Variants in KHDRBS2 observed in about 807,000 individuals in gnomAD.
The protein encoded by KHDRBS2 is KH RNA binding domain containing, signal transduction associated 2.
A neutral mutation model predicts 44.3 loss-of-function variants in KHDRBS2; 26 were observed. That is an observed-to-expected ratio of 0.59 (90% confidence interval 0.43 to 0.81). The LOEUF is 0.81. Ranked by LOEUF, KHDRBS2 falls within the 40% of genes least tolerant of loss-of-function variation. The pLI, the probability that KHDRBS2 is intolerant of heterozygous loss-of-function variation, is 0.00. For synonymous variants in KHDRBS2, 194 were observed against 151.1 expected (o/e 1.28, Z -2.08); for missense variants, 476 against 433.1 (o/e 1.10, Z -0.88).
At chr6:61,819,997 GGTAAGGCACAGGAAGGTTCATT>G (rs1789627269) in intron 6 of KHDRBS2, among the ~76,000 whole-genome samples, 1 of 151,976 alleles carries the variant, frequency 6.6e-6, no homozygotes, top group South Asian at 2.1e-4. Flanking sequence ...TTTATTTTCA[GGTAAGGCACAGGAAGGTTCATT>G]AACTCGTGCA....
intron 3 of KHDRBS2, among the ~76,000 whole-genome samples, chr6:62,001,112 G>C (rs540712908): frequency 2.6e-4 from 39 of 152,210 alleles, no homozygotes; most frequent in African/African-American, 8.9e-4. Flanking sequence ...TTACGTTCTG[G>C]TCACCTTACT....
At chr6:62,127,219 T>A (rs930326176) in intron 2 of KHDRBS2, among the ~76,000 whole-genome samples, 2 of 152,156 alleles carry the variant, frequency 1.3e-5, no homozygotes, top group African/African-American at 4.8e-5. Flanking sequence ...TTGTCATGTA[T>A]ATATTGAAAG....
At chr6:61,682,869 C>T (rs1291943767) in intron 8 of KHDRBS2, among the ~76,000 whole-genome samples, 2 of 151,818 alleles carry the variant, frequency 1.3e-5, no homozygotes, top group Non-Finnish European at 2.9e-5. Context: ...AAAGGGAAAA[C>T]ACATTCAGTG....
intron 7 of KHDRBS2, among the ~76,000 whole-genome samples, chr6:61,713,833 A>T (rs182712448): frequency 7.3e-4 from 111 of 151,844 alleles, no homozygotes; most frequent in Non-Finnish European, 1.0e-3. Flanking sequence ...GAAAAAATGG[A>T]TGGCCATACA....
chr6:61,559,844 T>C, the KHDRBS2 span, among the ~76,000 whole-genome samples: 1 of 152,234 alleles, frequency 6.6e-6, no homozygotes, highest in East Asian at 1.9e-4. Context: ...ATGAGCAGTT[T>C]ACATACCACA....
chr6:62,021,900 G>T (rs1782390966), intron 3 of KHDRBS2, among the ~76,000 whole-genome samples: 2 of 147,316 alleles, frequency 1.4e-5, no homozygotes. Flanking sequence ...GGGTAAATAT[G>T]CTTTGTGAAA....
chr6:61,569,640 T>C, the KHDRBS2 span, among the ~76,000 whole-genome samples: 1 of 152,142 alleles, frequency 6.6e-6, no homozygotes, highest in Non-Finnish European at 1.5e-5. Context: ...ACACTAAACA[T>C]ATCTACAACC....
intron 3 of KHDRBS2, among the ~76,000 whole-genome samples, chr6:61,990,804 G>T (rs1284545524): frequency 2.6e-5 from 4 of 151,792 alleles, no homozygotes. Flanking sequence ...CTGCCTCCTG[G>T]GTTCATGTGA....
the KHDRBS2 span, among the ~76,000 whole-genome samples, chr6:61,598,158 C>T: frequency 6.6e-6 from 1 of 150,850 alleles, no homozygotes; most frequent in Non-Finnish European, 1.5e-5. Context: ...TAGTTCAGTT[C>T]CCAGTGGCAG....
At chr6:61,729,402 T>A (rs1389959900) in intron 7 of KHDRBS2, among the ~76,000 whole-genome samples, 2 of 152,110 alleles carry the variant, frequency 1.3e-5, no homozygotes, top group Admixed American at 6.6e-5. Context: ...TGAAATAATC[T>A]GCACAACAAA....
chr6:62,152,178 G>A (rs928142663), intron 2 of KHDRBS2, among the ~76,000 whole-genome samples: 25 of 152,098 alleles, frequency 1.6e-4, no homozygotes, highest in African/African-American at 5.6e-4. Flanking sequence ...AATTAGCCGG[G>A]TGTGGTGGTA....
At position 62,056,814 on chromosome 6, in the gene KHDRBS2, C is replaced by A. The variant is rs1228169595; in HGVS notation, c.220-8820G>T. On this transcript the variant is annotated intron_variant, in intron 2 of 8. Coordinates refer to ENST00000281156, the MANE Select transcript of KHDRBS2 (RefSeq NM_152688.4). Reference sequence around the variant, plus strand: ...ATGAAAAGAGAAAATTTCACACAATCCCGGCTGAGGACAGATTATTGACAG... The same window carrying A: ...ATGAAAAGAGAAAATTTCACACAATACCGGCTGAGGACAGATTATTGACAG... Among the ~76,000 whole-genome samples the A allele has an allele frequency of 2.0e-4, 30 of 152,052 alleles. No homozygotes were observed. The East Asian group carries it at 4.3e-3, about 22-fold the overall frequency.
At chr6:62,020,617 C>T (rs1249866999) in intron 3 of KHDRBS2, among the ~76,000 whole-genome samples, 1 of 151,896 alleles carries the variant, frequency 6.6e-6, no homozygotes, top group Non-Finnish European at 1.5e-5. Context: ...TACTTTGTGG[C>T]TGTCTTTATG....
intron 2 of KHDRBS2, among the ~76,000 whole-genome samples, chr6:62,054,682 A>G (rs1187227039): frequency 2.6e-5 from 4 of 152,042 alleles, no homozygotes; most frequent in Admixed American, 2.6e-4. Flanking sequence ...CCATGAGCCA[A>G]AGAATGAAGG....
the KHDRBS2 span, among the ~76,000 whole-genome samples, chr6:61,617,670 G>A: frequency 6.6e-6 from 1 of 152,030 alleles, no homozygotes; most frequent in Non-Finnish European, 1.5e-5. Context: ...TCTAATGTCA[G>A]CAATAGCATG....
intron 4 of KHDRBS2, among the ~76,000 whole-genome samples, chr6:61,935,881 A>G (rs1170330221): frequency 6.6e-6 from 1 of 152,124 alleles, no homozygotes; most frequent in Non-Finnish European, 1.5e-5. Flanking sequence ...TGACAATCTC[A>G]TCATATTGAT....
chr6:61,823,428 G>T (rs568745924), intron 6 of KHDRBS2, among the ~76,000 whole-genome samples: 3 of 152,134 alleles, frequency 2.0e-5, no homozygotes, highest in Non-Finnish European at 4.4e-5. Context: ...ATGTAAAGAA[G>T]TCCTCTCTTT....
chr6:61,875,574 C>T (rs1799297146), intron 6 of KHDRBS2, among the ~76,000 whole-genome samples: 3 of 152,090 alleles, frequency 2.0e-5, no homozygotes, highest in Non-Finnish European at 2.9e-5. Context: ...AACTGTTTGT[C>T]CTTCACAGAC....
chr6:62,160,826 T>C (rs1258858406), intron 2 of KHDRBS2, among the ~76,000 whole-genome samples: 1 of 152,116 alleles, frequency 6.6e-6, no homozygotes, highest in Admixed American at 6.6e-5. Flanking sequence ...GAAATACATA[T>C]AAAATATTAC....
Sources: allele counts gnomAD v4.1 joint callset (sites outside exome capture counted in the v4.1 genomes callset), GRCh38; gene constraint gnomAD v4.1.1; transcripts MANE v1.5; gene names NCBI Gene and HGNC (gene_info 2026-07-23, HGNC 2026-07-21).